The following ST6GALNAC5 variants were observed in gnomAD, a reference collection of about 807,000 sequenced individuals.
ST6GALNAC5 encodes ST6 N-acetylgalactosaminide alpha-2,6-sialyltransferase 5.
ST6GALNAC5 carries 27 observed loss-of-function variants against 33.6 expected under a neutral mutation model. That is an observed-to-expected ratio of 0.80 (90% CI 0.59 to 1.11). The LOEUF is 1.11. Among genes scored for constraint, ST6GALNAC5 ranks in the 50% least tolerant of loss-of-function variants. The pLI is 0.00. For missense variants in ST6GALNAC5, 428 were observed against 454.0 expected (o/e 0.94, Z 0.52); for synonymous variants, 194 against 171.2 (o/e 1.13, Z -1.04).
At chr1:76,926,086 CAGA>C (rs1385518414) in intron 2 of ST6GALNAC5, among the ~76,000 whole-genome samples, 1 of 152,196 alleles carries the variant, frequency 6.6e-6, no homozygotes, top group Non-Finnish European at 1.5e-5. Context: ...CTCGCAGGAT[CAGA>C]AGAAGTAGGC....
intron 2 of ST6GALNAC5, among the ~76,000 whole-genome samples, chr1:77,027,578 T>C (rs997149125): frequency 4.6e-5 from 7 of 151,336 alleles, no homozygotes; most frequent in African/African-American, 1.5e-4. Context: ...AGACGCAGAG[T>C]TGAGAGAAAT....
intron 2 of ST6GALNAC5, among the ~76,000 whole-genome samples, chr1:76,989,836 C>T (rs1649654156): frequency 6.6e-6 from 1 of 152,070 alleles, no homozygotes; most frequent in Non-Finnish European, 1.5e-5. Context: ...CACACCTTTG[C>T]CAGCAAGGGG....
intron 2 of ST6GALNAC5, among the ~76,000 whole-genome samples, chr1:76,907,882 G>C (rs1190839569): frequency 2.0e-5 from 3 of 151,994 alleles, no homozygotes; most frequent in Non-Finnish European, 4.4e-5. Context: ...TTGGTTCATG[G>C]TTTCATATAC....
chr1:76,905,243 T>C (rs1646854351), intron 2 of ST6GALNAC5, among the ~76,000 whole-genome samples: 1 of 152,218 alleles, frequency 6.6e-6, no homozygotes, highest in African/African-American at 2.4e-5. Flanking sequence ...GGTGGCGGGA[T>C]AACTACTTAC....
At chr1:77,057,195 C>A (rs188923895) in intron 4 of ST6GALNAC5, among the ~76,000 whole-genome samples, 58 of 152,270 alleles carry the variant, frequency 3.8e-4, no homozygotes, top group Middle Eastern at 3.4e-3. Context: ...GAGGCAAAGA[C>A]ACCATTCTTT....
chr1:76,905,119 A>T (rs1316167115), intron 2 of ST6GALNAC5, among the ~76,000 whole-genome samples: 1 of 152,170 alleles, frequency 6.6e-6, no homozygotes, highest in Non-Finnish European at 1.5e-5. Flanking sequence ...ACAAAAGCGA[A>T]ATTAAAAAGA....
At chr1:76,994,613 G>A (rs1474815759) in intron 2 of ST6GALNAC5, among the ~76,000 whole-genome samples, 3 of 152,176 alleles carry the variant, frequency 2.0e-5, no homozygotes, top group Non-Finnish European at 4.4e-5. Context: ...TGGATAACTT[G>A]TGTGTTACCT....
At chr1:76,999,989 C>T (rs1374626244) in intron 2 of ST6GALNAC5, among the ~76,000 whole-genome samples, 33 of 101,810 alleles carry the variant, frequency 3.2e-4, no homozygotes, top group African/African-American at 9.3e-4. Flanking sequence ...GATTTATAGT[C>T]CTTTGGGTAT....
chr1:76,916,772 A>G (rs1646980382), intron 2 of ST6GALNAC5, among the ~76,000 whole-genome samples: 2 of 152,078 alleles, frequency 1.3e-5, no homozygotes, highest in Non-Finnish European at 2.9e-5. Flanking sequence ...TTTTCTTGCA[A>G]TTAGGATATA....
chr1:76,915,584 A>G lies in ST6GALNAC5; in HGVS notation c.261+46842A>G, dbSNP rs1339882273. On this transcript the variant is annotated intron_variant, in intron 2 of 4. Transcript: ENST00000477717. Reference sequence around the variant, plus strand: ...TGGAAATCATCATTCTCAGTAAACTATCACAAGGACAAAAAACCAAACACC... The same window carrying G: ...TGGAAATCATCATTCTCAGTAAACTGTCACAAGGACAAAAAACCAAACACC... Among the ~76,000 whole-genome samples, 6 of 152,024 alleles carry G rather than the reference A, an allele frequency of 3.9e-5. No individual in the cohort carries two copies. The East Asian group carries it at 9.7e-4, about 24-fold the overall frequency.
intron 2 of ST6GALNAC5, among the ~76,000 whole-genome samples, chr1:76,896,088 G>A (rs184116833): frequency 3.0e-4 from 46 of 152,254 alleles, no homozygotes; most frequent in African/African-American, 1.1e-3. Flanking sequence ...AAAACTGCTT[G>A]GCTGATTTGA....
intron 2 of ST6GALNAC5, among the ~76,000 whole-genome samples, chr1:77,004,541 C>T (rs1355042557): frequency 4.4e-5 from 6 of 136,678 alleles, no homozygotes; most frequent in Non-Finnish European, 8.3e-5. Flanking sequence ...TGAGGAACTG[C>T]GTTCCTTTGG....
intron 2 of ST6GALNAC5, among the ~76,000 whole-genome samples, chr1:76,894,723 G>A (rs1654088176): frequency 6.6e-6 from 1 of 152,214 alleles, no homozygotes; most frequent in African/African-American, 2.4e-5. Context: ...TGGTGGGTAT[G>A]TAGTAAAAGT....
intron 2 of ST6GALNAC5, among the ~76,000 whole-genome samples, chr1:76,900,557 C>A (rs1557715328): frequency 6.6e-6 from 1 of 152,080 alleles, no homozygotes; most frequent in Non-Finnish European, 1.5e-5. Flanking sequence ...AAAAAGAGAG[C>A]CAATTATTTT....
chr1:76,898,255 G>T (rs1222461366), intron 2 of ST6GALNAC5, among the ~76,000 whole-genome samples: 1 of 152,212 alleles, frequency 6.6e-6, no homozygotes, highest in East Asian at 1.9e-4. Context: ...GGGGGAGGAG[G>T]TTCTGGAGGA....
At chr1:77,016,675 T>C (rs1374841096) in intron 2 of ST6GALNAC5, among the ~76,000 whole-genome samples, 1 of 152,150 alleles carries the variant, frequency 6.6e-6, no homozygotes, top group Non-Finnish European at 1.5e-5. Flanking sequence ...GGCCTCTTTG[T>C]ATGTCACTCA....
intron 2 of ST6GALNAC5, among the ~76,000 whole-genome samples, chr1:76,987,036 G>A (rs1649532245): frequency 6.6e-6 from 1 of 152,126 alleles, no homozygotes; most frequent in Non-Finnish European, 1.5e-5. Context: ...GGGACTGGGG[G>A]AGGGATAGCA....
intron 2 of ST6GALNAC5, among the ~76,000 whole-genome samples, chr1:76,905,921 C>T (rs1434536980): frequency 6.6e-6 from 1 of 152,116 alleles, no homozygotes; most frequent in Non-Finnish European, 1.5e-5. Context: ...GCTTTTTTAG[C>T]TGGTGTTAAG....
At chr1:76,874,796 T>C (rs1226119711) in intron 2 of ST6GALNAC5, among the ~76,000 whole-genome samples, 1 of 152,160 alleles carries the variant, frequency 6.6e-6, no homozygotes, top group African/African-American at 2.4e-5. Flanking sequence ...TTCAATCCAA[T>C]CAAGTTGACA....
Sources: allele counts gnomAD v4.1 joint callset (sites outside exome capture counted in the v4.1 genomes callset), GRCh38; gene constraint gnomAD v4.1.1; transcripts MANE v1.5; gene names NCBI Gene and HGNC (gene_info 2026-07-23, HGNC 2026-07-21).